The following CHSY3 variants were observed in gnomAD, a reference collection of about 807,000 sequenced individuals.
The protein encoded by CHSY3 is N-acetylgalactosaminyl-proteoglycan 3-beta-glucuronosyltransferase 3.
Under a neutral mutation model 67.2 loss-of-function variants are expected in CHSY3, and 35 were observed. The ratio of observed to expected loss-of-function variants is 0.52; its 90% CI spans 0.40 to 0.69. The LOEUF (loss-of-function observed/expected upper bound fraction) is 0.69, where lower values mean the gene tolerates loss of function less well. Among genes scored for constraint, CHSY3 ranks in the 30% least tolerant of loss-of-function variants. The probability of loss-of-function intolerance (pLI) is 0.00; values close to 1 mark genes in which losing one functional copy is unlikely to be tolerated. For synonymous variants in CHSY3, 474 were observed against 434.7 expected (o/e 1.09, Z -1.12); for missense variants, 1,069 against 1,138.5 (o/e 0.94, Z 0.88).
At chr5:130,070,322 T>G (rs1412353179) in intron 2 of CHSY3, among the ~76,000 whole-genome samples, 1 of 152,108 alleles carries the variant, frequency 6.6e-6, no homozygotes, top group Non-Finnish European at 1.5e-5. Context: ...AATCAAGCAA[T>G]TTGAGTTTTT....
intron 2 of CHSY3, among the ~76,000 whole-genome samples, chr5:130,114,904 C>G (rs1377880359): frequency 6.6e-6 from 1 of 152,064 alleles, no homozygotes; most frequent in Non-Finnish European, 1.5e-5. Context: ...TAGCTGACTC[C>G]TGAAGATGCC....
At chr5:130,076,135 G>A (rs571298787) in intron 2 of CHSY3, among the ~76,000 whole-genome samples, 4 of 151,804 alleles carry the variant, frequency 2.6e-5, no homozygotes, top group Non-Finnish European at 4.4e-5. Context: ...ACTTCTATGC[G>A]CTTGCATATA....
intron 2 of CHSY3, among the ~76,000 whole-genome samples, chr5:130,036,346 T>C (rs908932830): frequency 6.6e-6 from 1 of 152,164 alleles, no homozygotes; most frequent in Non-Finnish European, 1.5e-5. Flanking sequence ...TCCTAGTATA[T>C]CTCTTCCATA....
intron 2 of CHSY3, among the ~76,000 whole-genome samples, chr5:129,985,797 T>C (rs181005983): frequency 2.6e-5 from 4 of 152,204 alleles, no homozygotes. Context: ...GTGAATGGGA[T>C]TGTGGTCTTG....
chr5:129,956,088 C>A (rs1281083688), intron 2 of CHSY3, among the ~76,000 whole-genome samples: 2 of 152,068 alleles, frequency 1.3e-5, no homozygotes, highest in African/African-American at 4.8e-5. Flanking sequence ...CTAAAAAGTT[C>A]TCTTTTTAGC....
chr5:130,178,253 A>ATATATATTTTTTTTTTTTTT, intron 2 of CHSY3, among the ~76,000 whole-genome samples: 1 of 45,912 alleles, frequency 2.2e-5, no homozygotes, highest in Non-Finnish European at 3.5e-5. Flanking sequence ...ATATATATAT[A>ATATATATTTTTTTTTTTTTT]TTTTTTTTTT....
chr5:129,978,437 CAT>C (rs1330587372), intron 2 of CHSY3, among the ~76,000 whole-genome samples: 1 of 152,120 alleles, frequency 6.6e-6, no homozygotes, highest in Non-Finnish European at 1.5e-5. Flanking sequence ...CATATGTACA[CAT>C]GAGCACTTTA....
chr5:129,947,894 G>T (rs779229104), intron 2 of CHSY3, among the ~76,000 whole-genome samples: 2 of 152,004 alleles, frequency 1.3e-5, no homozygotes, highest in Non-Finnish European at 2.9e-5. Context: ...ATACCTGTTG[G>T]CTATTTGTAT....
At chr5:129,964,181 ACT>A (rs1337191380) in intron 2 of CHSY3, among the ~76,000 whole-genome samples, 1 of 151,560 alleles carries the variant, frequency 6.6e-6, no homozygotes, top group Non-Finnish European at 1.5e-5. Flanking sequence ...TAGAGAAGAA[ACT>A]CTGATGTACT....
At chr5:130,107,021 CTA>C (rs1017931848) in intron 2 of CHSY3, among the ~76,000 whole-genome samples, 3 of 151,364 alleles carry the variant, frequency 2.0e-5, no homozygotes, top group Non-Finnish European at 4.4e-5. Flanking sequence ...CTGTAAGTCT[CTA>C]TTTCTGGATT....
intron 2 of CHSY3, among the ~76,000 whole-genome samples, chr5:130,182,674 G>A (rs927056307): frequency 5.9e-5 from 9 of 152,008 alleles, no homozygotes; most frequent in African/African-American, 1.9e-4. Flanking sequence ...GTAGGATGTA[G>A]GGGATCCGTT....
At chr5:129,973,583 T>A (rs549747491) in intron 2 of CHSY3, among the ~76,000 whole-genome samples, 48 of 152,266 alleles carry the variant, frequency 3.2e-4, no homozygotes, top group Middle Eastern at 3.4e-3. Context: ...GCCCCACTGT[T>A]AAGTATGATT....
chr5:130,119,229 T>C (rs1767925198), intron 2 of CHSY3, among the ~76,000 whole-genome samples: 1 of 152,184 alleles, frequency 6.6e-6, no homozygotes, highest in Non-Finnish European at 1.5e-5. Flanking sequence ...CAGGACTGAC[T>C]GACTTCAAAG....
chr5:129,929,837 T>A (rs1032437516), intron 2 of CHSY3, among the ~76,000 whole-genome samples: 1 of 152,156 alleles, frequency 6.6e-6, no homozygotes, highest in Non-Finnish European at 1.5e-5. Context: ...AAAATTACCA[T>A]AGTAAGCAAG....
intron 2 of CHSY3, among the ~76,000 whole-genome samples, chr5:129,981,843 G>C (rs1762993575): frequency 6.6e-6 from 1 of 151,964 alleles, no homozygotes; most frequent in East Asian, 1.9e-4. Flanking sequence ...TTTTTTTGTA[G>C]GTATTCTTTA....
At chr5:129,909,830 A>T (rs1760471417) in intron 2 of CHSY3, among the ~76,000 whole-genome samples, 1 of 152,024 alleles carries the variant, frequency 6.6e-6, no homozygotes. Context: ...ATAAGTAAAA[A>T]AATATTTGTG....
At chr5:129,944,480 G>T (rs1167121597) in intron 2 of CHSY3, among the ~76,000 whole-genome samples, 1 of 151,812 alleles carries the variant, frequency 6.6e-6, no homozygotes, top group Non-Finnish European at 1.5e-5. Flanking sequence ...GATTACAGGC[G>T]AACACCACCA....
At chr5:130,173,960 T>A (rs978409866) in intron 2 of CHSY3, among the ~76,000 whole-genome samples, 1 of 152,074 alleles carries the variant, frequency 6.6e-6, no homozygotes, top group Non-Finnish European at 1.5e-5. Flanking sequence ...CTATTTTACT[T>A]AGAATTTTTA....
At chr5:130,159,079 CGTG>C (rs1561563383) in intron 2 of CHSY3, among the ~76,000 whole-genome samples, 1 of 151,598 alleles carries the variant, frequency 6.6e-6, no homozygotes, top group African/African-American at 2.4e-5. Flanking sequence ...GGATTACAGG[CGTG>C]AACCATGGCA....
Sources: gnomAD v4.1 joint callset for allele counts (sites outside exome capture counted in the v4.1 genomes callset) on GRCh38, gnomAD v4.1.1 for gene constraint, MANE v1.5 for transcripts, NCBI Gene and HGNC (gene_info 2026-07-23, HGNC 2026-07-21) for gene names.